The following PPP6R2 variants were observed in gnomAD, a reference collection of about 807,000 sequenced individuals.
PPP6R2 encodes the protein protein phosphatase 6 regulatory subunit 2.
PPP6R2 carries 62 observed loss-of-function variants against 100.2 expected under a neutral mutation model. The observed-to-expected ratio is 0.62, with a 90% CI of 0.50 to 0.76. The LOEUF (loss-of-function observed/expected upper bound fraction) is 0.76, where lower values mean the gene tolerates loss of function less well. Among genes scored for constraint, PPP6R2 ranks in the 30% least tolerant of loss-of-function variants. The pLI is 0.00. For missense variants in PPP6R2, 1,142 were observed against 1,276.3 expected (o/e 0.89, Z 1.60); for synonymous variants, 525 against 514.7 (o/e 1.02, Z -0.27).
At chr22:50,434,709 G>A (rs1178820279) in intron 12 of PPP6R2, among the ~76,000 whole-genome samples, 8 of 99,434 alleles carry the variant, frequency 8.0e-5, no homozygotes, top group African/African-American at 1.7e-4. Context: ...GGCCGGGTGC[G>A]CGGACACTGG....
chr22:50,433,230 G>T (rs2063511873), intron 12 of PPP6R2, among the ~76,000 whole-genome samples: 1 of 151,366 alleles, frequency 6.6e-6, no homozygotes, highest in African/African-American at 2.4e-5. Flanking sequence ...GGAGGGCAGG[G>T]GGCGCGGACG....
At chr22:50,435,165 C>T (rs1260848031) in intron 13 of PPP6R2, 84 bp downstream of exon 13, 18 of 1,171,622 alleles carry the variant, frequency 1.5e-5, no homozygotes, top group Middle Eastern at 3.0e-4. Flanking sequence ...AAGCTCTGCC[C>T]GGCAGCAGGT....
At chr22:50,359,644 G>A (rs886500131) in intron 1 of PPP6R2, among the ~76,000 whole-genome samples, 3 of 152,046 alleles carry the variant, frequency 2.0e-5, no homozygotes, top group Non-Finnish European at 2.9e-5. Flanking sequence ...ATTGATTTTC[G>A]GGTGTTAAAG....
At chr22:50,387,710 A>T (rs2148772706) in intron 2 of PPP6R2, among the ~76,000 whole-genome samples, 1 of 152,302 alleles carries the variant, frequency 6.6e-6, no homozygotes, top group Admixed American at 6.5e-5. Context: ...TGCCAGGGTG[A>T]TGTCCTGAAG....
intron 3 of PPP6R2, among the ~76,000 whole-genome samples, chr22:50,401,672 T>C (rs191176622): frequency 6.6e-6 from 1 of 151,712 alleles, no homozygotes; most frequent in East Asian, 2.0e-4. Context: ...AGACGGAGTC[T>C]CACTCTGTCG....
chr22:50,372,123 T>C lies in PPP6R2; in HGVS notation c.-44T>C, dbSNP rs2050345499. On this transcript the variant is annotated 5_prime_UTR_variant, in exon 2 of 24. It removes an upstream start codon present in the reference 5' UTR. Coordinates refer to ENST00000612753, the MANE Select transcript of PPP6R2 (RefSeq NM_001242898.2). ...TGTTTTTCTGTTTTGCCTGAATACA[T>C]GATTTAAACAAGAGATTTCCACAGA... 6.6e-6 allele frequency: 1 copy of C among 152,174 alleles called. No individual in the cohort carries two copies. The highest frequency in any genetic ancestry group is 2.4e-5 in the African/African-American group (1 of 41,450). 9.4% of individuals were successfully genotyped at this position (152,174 alleles called of 1,614,324 possible).
At position 50,440,910 on chromosome 22, in the gene PPP6R2, C is replaced by T; in HGVS notation, c.2463C>T (p.Ser821=). Residue 821 remains serine (S), a synonymous_variant, in exon 22 of 24, where the codon TCC becomes TCT. Transcript: ENST00000612753. ...LASDSSSSGG[S]HSEDGDQKAA... is the part of the protein sequence containing the mutation. Reference sequence around the variant, plus strand: ...CTGACAGTAGCTCCTCTGGGGGCTCCCACAGCGAGGATGGCGACCAGAAGG... The same window carrying T: ...CTGACAGTAGCTCCTCTGGGGGCTCTCACAGCGAGGATGGCGACCAGAAGG... The T allele has an allele frequency of 6.2e-7, 1 of 1,613,758 alleles. No homozygotes were observed. The highest frequency in any genetic ancestry group is 1.1e-5 in the South Asian group (1 of 91,086).
chr22:50,438,411 C>T, intron 18 of PPP6R2, 113 bp downstream of exon 18: 1 of 1,508,912 alleles, frequency 6.6e-7, no homozygotes, highest in Non-Finnish European at 8.9e-7. Context: ...CACACCTGTC[C>T]TGCCAGCTCT....
upstream of PPP6R2, among the ~76,000 whole-genome samples, chr22:50,342,326 AG>A (rs1440143830): frequency 2.0e-5 from 3 of 152,194 alleles, no homozygotes; most frequent in Non-Finnish European, 4.4e-5. Context: ...TTAGGATGCT[AG>A]GGGAAAAGCT....
chr22:50,331,341 T>C, the PPP6R2 span, among the ~76,000 whole-genome samples: 1 of 152,186 alleles, frequency 6.6e-6, no homozygotes, highest in Non-Finnish European at 1.5e-5. Context: ...AGTATTGGGC[T>C]GTATGGTAAG....
At chr22:50,376,829 G>A (rs1341224722) in intron 2 of PPP6R2, among the ~76,000 whole-genome samples, 1 of 152,094 alleles carries the variant, frequency 6.6e-6, no homozygotes, top group African/African-American at 2.4e-5. Context: ...CACAAGGTCA[G>A]GAGATGGAGA....
chr22:50,425,736 C>A (rs1020528832), intron 10 of PPP6R2, among the ~76,000 whole-genome samples: 1 of 151,346 alleles, frequency 6.6e-6, no homozygotes, highest in Admixed American at 6.9e-5. Context: ...GGCTGATGCT[C>A]GTCATCTGAT....
At chr22:50,404,570 C>A (rs1427700398) in intron 3 of PPP6R2, among the ~76,000 whole-genome samples, 1 of 151,536 alleles carries the variant, frequency 6.6e-6, no homozygotes, top group African/African-American at 2.4e-5. Flanking sequence ...CATGTGCCAC[C>A]TCGCCTGGCT....
Position 50,414,667 on chromosome 22 carries a change from G to T in PPP6R2, c.530G>T (p.Gly177Val), listed in dbSNP as rs2147487127. ...CTGGTCAGCTGTGTGGAGCCAGCCG[G>T]GCTCCGGCAGGACGTCCTGCACGTG... is the stretch of plus-strand genomic sequence containing the variant. The part of the protein sequence containing the change: ...LRLVSCVEPA[G>V]LRQDVLHWLN... Residue 177 changes from glycine to valine, a missense_variant, in exon 5 of 24, where the codon GGG becomes GTG. Physicochemically the swap from Gly to Val is moderately radical, Grantham distance 109. Transcript: ENST00000612753. 1 of 1,612,520 alleles carries T rather than the reference G, an allele frequency of 6.2e-7. No homozygotes were observed. The highest frequency in any genetic ancestry group is 8.5e-7 in the Non-Finnish European group (1 of 1,179,884).
chr22:50,355,590 G>T (rs1199990353), intron 1 of PPP6R2, among the ~76,000 whole-genome samples: 2 of 146,858 alleles, frequency 1.4e-5, no homozygotes, highest in Non-Finnish European at 1.5e-5. Flanking sequence ...GTGCGATCTT[G>T]GCTCACTGCA....
At chr22:50,384,023 G>A (rs928097117) in intron 2 of PPP6R2, among the ~76,000 whole-genome samples, 16 of 130,342 alleles carry the variant, frequency 1.2e-4, no homozygotes, top group Admixed American at 1.1e-3. Context: ...GCGGCTGAGC[G>A]AGACTCCATC....
intron 14 of PPP6R2, 85 bp from the exon 15 acceptor site, chr22:50,436,903 T>TGGGC: frequency 9.1e-7 from 1 of 1,103,552 alleles, no homozygotes; most frequent in South Asian, 1.3e-5. Flanking sequence ...AGCCCTGGGC[T>TGGGC]GGGCATGGTC....
At chr22:50,380,190 A>G (rs2052545786) in intron 2 of PPP6R2, among the ~76,000 whole-genome samples, 1 of 151,958 alleles carries the variant, frequency 6.6e-6, no homozygotes, top group Non-Finnish European at 1.5e-5. Context: ...CCCCGTGGTG[A>G]TAGAGAGGAA....
In PPP6R2 at chr22:50,427,975, C is replaced by T. The variant is rs898397122; in HGVS notation, c.1126-3198C>T. ...GACCTCGTGATCCGCCCACCTTGGC[C>T]TCCCAAAGTGCTGGGATTATAGGCG... On this transcript the variant is annotated intron_variant, in intron 10 of 23. Coordinates refer to ENST00000612753, the MANE Select transcript of PPP6R2 (RefSeq NM_001242898.2). Among the ~76,000 whole-genome samples the T allele has an allele frequency of 2.6e-5, 4 of 152,350 alleles. No individual in the cohort carries two copies. In the East Asian group the frequency reaches 7.7e-4, roughly 29 times the overall value.
Sources: allele counts gnomAD v4.1 joint callset (sites outside exome capture counted in the v4.1 genomes callset), GRCh38; gene constraint gnomAD v4.1.1; transcripts MANE v1.5; gene names NCBI Gene and HGNC (gene_info 2026-07-23, HGNC 2026-07-21).